Variants in ADAMTSL3 observed in about 807,000 individuals in gnomAD.
ADAMTSL3 encodes ADAMTS like 3.
Under a neutral mutation model 201.7 loss-of-function variants are expected in ADAMTSL3, and 128 were observed. The ratio of observed to expected loss-of-function variants is 0.63; its 90% CI spans 0.55 to 0.73. The LOEUF (loss-of-function observed/expected upper bound fraction) is 0.73. ADAMTSL3 is among the 30% of genes least tolerant of loss of function. The pLI, the probability that ADAMTSL3 is intolerant of heterozygous loss-of-function variation, is 0.00. For synonymous variants in ADAMTSL3, 738 were observed against 748.4 expected, an observed-to-expected ratio of 0.99 and a Z score of 0.23; for missense variants, 1,990 against 2,119.6, an observed-to-expected ratio of 0.94 and a Z score of 1.20.
At chr15:83,941,394 AATC>A (rs2066557464) in intron 17 of ADAMTSL3, among the ~76,000 whole-genome samples, 1 of 152,096 alleles carries the variant, frequency 6.6e-6, no homozygotes, top group Non-Finnish European at 1.5e-5. Flanking sequence ...TTTTAATAAA[AATC>A]AGAGAAAAAA....
At chr15:83,877,709 T>C (rs1480820) in intron 9 of ADAMTSL3, among the ~76,000 whole-genome samples, 135,069 of 152,248 alleles carry the variant, frequency 0.89, 60,208 homozygotes, top group African/African-American at 0.97. Context: ...CTAAGTCTTT[T>C]AAGTCATAAA....
At chr15:83,892,346 A>G (rs2065519821) in intron 12 of ADAMTSL3, among the ~76,000 whole-genome samples, 1 of 151,678 alleles carries the variant, frequency 6.6e-6, no homozygotes, top group Non-Finnish European at 1.5e-5. Context: ...CCTGGCCAAC[A>G]TTGTGAAACC....
intron 2 of ADAMTSL3, among the ~76,000 whole-genome samples, chr15:83,671,181 G>A (rs962654981): frequency 4.6e-5 from 7 of 152,208 alleles, no homozygotes; most frequent in Middle Eastern, 6.8e-3. Context: ...CTCATAAAAT[G>A]CATTGGGTAC....
At chr15:83,845,464 G>A (rs2064478055) in intron 7 of ADAMTSL3, among the ~76,000 whole-genome samples, 1 of 152,192 alleles carries the variant, frequency 6.6e-6, no homozygotes, top group Non-Finnish European at 1.5e-5. Flanking sequence ...TGGACTGGAA[G>A]CCAAAGACTG....
intron 25 of ADAMTSL3, 41 bp downstream of exon 25, chr15:84,016,540 C>G: frequency 6.7e-7 from 1 of 1,485,602 alleles, no homozygotes; most frequent in Non-Finnish European, 9.4e-7. Context: ...ATGTGTGAGG[C>G]ATGTGTAAGG....
intron 17 of ADAMTSL3, among the ~76,000 whole-genome samples, chr15:83,932,000 G>T (rs7176708): frequency 0.026 from 3,959 of 152,226 alleles, 158 homozygotes; most frequent in African/African-American, 0.087. Context: ...TCCCTACATA[G>T]ATATGAAATA....
intron 3 of ADAMTSL3, among the ~76,000 whole-genome samples, chr15:83,732,284 G>A (rs1272858246): frequency 6.6e-6 from 1 of 151,998 alleles, no homozygotes; most frequent in African/African-American, 2.4e-5. Context: ...ACTGTAATGT[G>A]TGTTTTCCAT....
intron 2 of ADAMTSL3, among the ~76,000 whole-genome samples, chr15:83,683,879 T>G (rs537254430): frequency 1.3e-5 from 2 of 152,382 alleles, no homozygotes; most frequent in Admixed American, 6.5e-5. Flanking sequence ...CTAAGACATC[T>G]TAAAGATCTG....
intron 7 of ADAMTSL3, among the ~76,000 whole-genome samples, chr15:83,858,538 A>G (rs2064788510): frequency 6.6e-6 from 1 of 152,086 alleles, no homozygotes; most frequent in South Asian, 2.1e-4. Flanking sequence ...ACACCTGGTT[A>G]ATTTTTGTAT....
At chr15:83,661,512 G>A (rs1032774982) in intron 2 of ADAMTSL3, among the ~76,000 whole-genome samples, 2 of 152,088 alleles carry the variant, frequency 1.3e-5, no homozygotes, top group Admixed American at 6.5e-5. Context: ...CTTGTAAGTT[G>A]GATTCCTAGG....
intron 3 of ADAMTSL3, among the ~76,000 whole-genome samples, chr15:83,755,438 C>A (rs868845622): frequency 3.0e-4 from 46 of 151,918 alleles, no homozygotes; most frequent in African/African-American, 1.1e-3. Flanking sequence ...TCCCCCAGTC[C>A]CTGACAACCA....
At chr15:83,881,600 A>T (rs1055743548) in intron 9 of ADAMTSL3, among the ~76,000 whole-genome samples, 21 of 152,222 alleles carry the variant, frequency 1.4e-4, no homozygotes, top group Non-Finnish European at 2.9e-5. Flanking sequence ...CATGCCTGTC[A>T]TCCCAGCACT....
intron 27 of ADAMTSL3, among the ~76,000 whole-genome samples, chr15:84,027,876 G>T (rs1478702433): frequency 1.3e-5 from 2 of 152,120 alleles, no homozygotes; most frequent in African/African-American, 4.8e-5. Context: ...GAGTAGATGA[G>T]CTGTGGTATG....
chr15:83,800,086 G>C (rs2063493753), intron 4 of ADAMTSL3, among the ~76,000 whole-genome samples: 1 of 148,514 alleles, frequency 6.7e-6, no homozygotes, highest in Non-Finnish European at 1.5e-5. Context: ...AAGTAAAATA[G>C]AATGTTAAAA....
intron 23 of ADAMTSL3, among the ~76,000 whole-genome samples, chr15:83,996,380 G>A (rs1248136614): frequency 6.6e-6 from 1 of 152,044 alleles, no homozygotes; most frequent in Admixed American, 6.6e-5. Context: ...GAAAGACATT[G>A]TCAATAAATT....
chr15:83,977,259 AC>A (rs1274991563), intron 20 of ADAMTSL3, among the ~76,000 whole-genome samples: 1 of 151,450 alleles, frequency 6.6e-6, no homozygotes, highest in Non-Finnish European at 1.5e-5. Context: ...CCCAATCCCC[AC>A]CCCGACAACT....
At chr15:83,978,816 A>C (rs1193780521) in intron 20 of ADAMTSL3, among the ~76,000 whole-genome samples, 3 of 152,252 alleles carry the variant, frequency 2.0e-5, no homozygotes. Context: ...ATCTGGGGCC[A>C]CAAGGCCTGC....
At position 83,678,676 on chromosome 15, in the gene ADAMTSL3, A is replaced by G. The variant is rs532978635; in HGVS notation, c.69+22846A>G. ...ATCTTTAGTTTTAGTCTTTTCCCCC[A>G]AATTGGGAAAATTTTAGCCATTATT... On this transcript the variant is annotated intron_variant, in intron 2 of 29. Transcript: ENST00000286744. Among the ~76,000 whole-genome samples, 9 of 148,762 alleles carry G rather than the reference A, an allele frequency of 6.0e-5. No individual in the cohort carries two copies. The South Asian group carries it at 1.7e-3, about 28-fold the overall frequency.
chr15:83,686,214 C>G (rs1008684120), intron 2 of ADAMTSL3, among the ~76,000 whole-genome samples: 27 of 152,216 alleles, frequency 1.8e-4, no homozygotes, highest in African/African-American at 6.5e-4. Context: ...GGTTTTCTCA[C>G]AAGCAACTTT....
Sources: allele counts gnomAD v4.1 joint callset (sites outside exome capture counted in the v4.1 genomes callset), GRCh38; gene constraint gnomAD v4.1.1; transcripts MANE v1.5; gene names NCBI Gene and HGNC (gene_info 2026-07-23, HGNC 2026-07-21).